The following RNLS variants were observed in gnomAD, a reference collection of about 807,000 sequenced individuals.
The protein encoded by RNLS is renalase, FAD dependent amine oxidase.
A neutral mutation model predicts 39.8 loss-of-function variants in RNLS; 39 were observed. The observed-to-expected ratio is 0.98, with a 90% CI of 0.76 to 1.28. The LOEUF (loss-of-function observed/expected upper bound fraction) is 1.28, where lower values mean the gene tolerates loss of function less well. RNLS is among the 50% of genes most tolerant of loss of function. RNLS has a pLI of 0.00. For synonymous variants in RNLS, 147 were observed against 150.7 expected (o/e 0.98, Z 0.18); for missense variants, 410 against 413.3 (o/e 0.99, Z 0.07).
At chr10:88,247,290 G>A in the RNLS span, among the ~76,000 whole-genome samples, 5 of 152,282 alleles carry the variant, frequency 3.3e-5, no homozygotes, top group Admixed American at 6.5e-5. Flanking sequence ...GAATCAGAGA[G>A]GACCCCAAGG....
rs531199307 is a variant in RNLS, at chr10:88,528,386, T to C, written c.526+44517A>G. 3.9e-5 allele frequency among the ~76,000 whole-genome samples: 6 copies of C among 152,268 alleles called. No individual in the cohort carries two copies. The East Asian group carries it at 9.7e-4, about 24-fold the overall frequency. ...GAAAATGTATGTCCTATGTACTTAT[T>C]AGGAAGCTGCAAAAGGATGTACTTT... is the stretch of plus-strand genomic sequence containing the variant. On this transcript the variant is annotated intron_variant, in intron 4 of 6. Coordinates refer to ENST00000331772, the MANE Select transcript of RNLS (RefSeq NM_001031709.3).
chr10:88,554,853 T>A lies in RNLS; in HGVS notation c.526+18050A>T, dbSNP rs571094885. Among the ~76,000 whole-genome samples, 4 of 152,204 alleles carry A rather than the reference T, an allele frequency of 2.6e-5. No individual in the cohort carries two copies. In the South Asian group the frequency reaches 6.2e-4, roughly 24 times the overall value. ...CAGCACCTAAACATATTATAATGTA[T>A]CCTATCTTAAAAATACAATACAATA... On this transcript the variant is annotated intron_variant, in intron 4 of 6. Transcript: ENST00000331772.
At chr10:88,266,470 G>A in the RNLS span, among the ~76,000 whole-genome samples, 1 of 152,262 alleles carries the variant, frequency 6.6e-6, no homozygotes, top group South Asian at 2.1e-4. Context: ...AACACAGGAT[G>A]TTGGATGCCC....
intron 5 of RNLS, among the ~76,000 whole-genome samples, chr10:88,355,837 C>T (rs1849124330): frequency 6.6e-6 from 1 of 152,196 alleles, no homozygotes; most frequent in Non-Finnish European, 1.5e-5. Flanking sequence ...AGGCAGGCCT[C>T]CTTGAGCTGC....
chr10:88,555,508 A>G (rs1346853295), intron 4 of RNLS, among the ~76,000 whole-genome samples: 3 of 151,950 alleles, frequency 2.0e-5, no homozygotes, highest in South Asian at 2.1e-4. Context: ...CTCTCTCCTC[A>G]TGTGATGCTC....
chr10:88,345,046 A>G (rs993918435), intron 5 of RNLS, among the ~76,000 whole-genome samples: 3 of 152,160 alleles, frequency 2.0e-5, no homozygotes, highest in Non-Finnish European at 2.9e-5. Context: ...TTTAGAGGGC[A>G]TATAAAAGCC....
intron 4 of RNLS, among the ~76,000 whole-genome samples, chr10:88,475,545 C>A (rs1843767674): frequency 2.0e-5 from 3 of 152,120 alleles, no homozygotes; most frequent in Middle Eastern, 3.2e-3. Flanking sequence ...CATTAAAAAA[C>A]CTTTTCTTTT....
chr10:88,409,968 C>A, intron 4 of RNLS, among the ~76,000 whole-genome samples: 1 of 152,014 alleles, frequency 6.6e-6, no homozygotes, highest in Non-Finnish European at 1.5e-5. Context: ...TACAGTGTCC[C>A]TTGCAACTAC....
rs558738347 is a variant in RNLS at position 88,290,528 on chromosome 10, A to AATAT, written c.877-5026_877-5023dup. Among the ~76,000 whole-genome samples, 457 of 152,302 alleles carry AATAT rather than the reference A, an allele frequency of 3.0e-3. 1 individual carries two copies. Among genetic ancestry groups the AATAT allele is most frequent in the Non-Finnish European group, 4.7e-3 (323 of 68,014 alleles). ...AATCTAAGGCACCATAAAACACAAC[A>AATAT]ATATTTTATGTACCAATGAGAAAGA... On this transcript the variant is annotated intron_variant, in intron 6 of 6. Transcript: ENST00000331772.
intron 4 of RNLS, among the ~76,000 whole-genome samples, chr10:88,524,931 CAT>C (rs1293210234): frequency 8.6e-5 from 9 of 104,660 alleles, no homozygotes; most frequent in South Asian, 3.3e-4. Context: ...CCATGTATGC[CAT>C]ATATATATAT....
chr10:88,535,361 G>C (rs1269023590), intron 4 of RNLS, among the ~76,000 whole-genome samples: 1 of 151,800 alleles, frequency 6.6e-6, no homozygotes, highest in Non-Finnish European at 1.5e-5. Context: ...CAGTCTGGGA[G>C]TAGTTGTATA....
At chr10:88,354,143 C>A (rs1006566527) in intron 5 of RNLS, among the ~76,000 whole-genome samples, 1 of 152,170 alleles carries the variant, frequency 6.6e-6, no homozygotes, top group African/African-American at 2.4e-5. Context: ...GAATACAGCA[C>A]ACTGATGGGT....
At chr10:88,548,712 CATAT>C (rs1161683274) in intron 4 of RNLS, among the ~76,000 whole-genome samples, 3 of 146,944 alleles carry the variant, frequency 2.0e-5, no homozygotes, top group African/African-American at 7.5e-5. Flanking sequence ...ATATTTAATA[CATAT>C]ATATTAAATA....
intron 4 of RNLS, among the ~76,000 whole-genome samples, chr10:88,483,548 C>T (rs1844326149): frequency 6.6e-6 from 1 of 152,106 alleles, no homozygotes; most frequent in Non-Finnish European, 1.5e-5. Flanking sequence ...TCATAATTGT[C>T]ATATGATGTA....
chr10:88,432,740 T>A (rs543637019), intron 4 of RNLS, among the ~76,000 whole-genome samples: 4 of 152,162 alleles, frequency 2.6e-5, no homozygotes, highest in South Asian at 4.1e-4. Flanking sequence ...TCTATGGTTA[T>A]GTATTTTGTC....
In RNLS at chr10:88,464,125, G is replaced by A. The variant is rs117099878; in HGVS notation, c.527-101400C>T. Among the ~76,000 whole-genome samples the A allele has an allele frequency of 9.9e-5, 15 of 152,044 alleles. No homozygotes were observed. The East Asian group carries it at 2.1e-3, about 22-fold the overall frequency. ...ATAGCTATTAGCTCAAGAAAAATGC[G>A]GGCCAGAGCAGCTTTTGATATTGCC... On this transcript the variant is annotated intron_variant, in intron 4 of 6. Transcript: ENST00000331772.
intron 4 of RNLS, among the ~76,000 whole-genome samples, chr10:88,531,539 T>G (rs1847424010): frequency 6.6e-6 from 1 of 152,062 alleles, no homozygotes; most frequent in Non-Finnish European, 1.5e-5. Context: ...ATGTTAGCAA[T>G]GCAGGCACTC....
rs1440476706 is a variant in RNLS at position 88,403,591 on chromosome 10, G to A, written c.527-40866C>T. 2.0e-5 allele frequency among the ~76,000 whole-genome samples: 3 copies of A among 151,938 alleles called. No homozygotes were observed. The East Asian group carries it at 5.8e-4, about 29-fold the overall frequency. On this transcript the variant is annotated intron_variant, in intron 4 of 6. Transcript: ENST00000331772. ...TTGCTGAATCTAGATTCAATATTCTGTAATTTCTATATTTGCACACACTTG... is the reference window on the plus strand; with the variant it reads ...TTGCTGAATCTAGATTCAATATTCTATAATTTCTATATTTGCACACACTTG...
chr10:88,446,322 G>C (rs534178162), intron 4 of RNLS, among the ~76,000 whole-genome samples: 1,814 of 152,278 alleles, frequency 0.012, 21 homozygotes, highest in Non-Finnish European at 0.019. Context: ...TCAGTGTGTA[G>C]AGGGAAATTT....
Sources: allele counts gnomAD v4.1 joint callset (sites outside exome capture counted in the v4.1 genomes callset), GRCh38; gene constraint gnomAD v4.1.1; transcripts MANE v1.5; gene names NCBI Gene and HGNC (gene_info 2026-07-23, HGNC 2026-07-21).